The following STRADA variants were observed in gnomAD, a reference collection of about 807,000 sequenced individuals.
STRADA encodes STE20-related kinase adapter protein alpha.
STRADA carries 26 observed loss-of-function variants against 55.0 expected under a neutral mutation model. The ratio of observed to expected loss-of-function variants is 0.47; its 90% CI spans 0.35 to 0.66. The LOEUF is 0.66. Among genes scored for constraint, STRADA ranks in the 30% least tolerant of loss-of-function variants. The pLI is 0.01. For missense variants in STRADA, 443 were observed against 549.7 expected, an observed-to-expected ratio of 0.81 and a Z score of 1.94; for synonymous variants, 197 against 210.9, an observed-to-expected ratio of 0.93 and a Z score of 0.57.
At chr17:63,707,959 G>A (rs1181160526) in intron 8 of STRADA, among the ~76,000 whole-genome samples, 1 of 150,928 alleles carries the variant, frequency 6.6e-6, no homozygotes, top group Non-Finnish European at 1.5e-5. Flanking sequence ...GGATGGTCTC[G>A]ATCTCCCGAC....
At chr17:63,703,983 C>CAGAACG (rs777248160) in intron 12 of STRADA, 22 bp downstream of exon 12, 4 of 1,613,844 alleles carry the variant, frequency 2.5e-6, no homozygotes, top group Non-Finnish European at 3.4e-6. Context: ...GAACCAGAAC[C>CAGAACG]AGAACGAAGG....
At chr17:63,732,014 G>A (rs546007101) in intron 1 of STRADA, among the ~76,000 whole-genome samples, 32 of 152,058 alleles carry the variant, frequency 2.1e-4, no homozygotes, top group African/African-American at 6.8e-4. Flanking sequence ...ACAGGCGCCC[G>A]CCACCACACC....
chr17:63,703,853 C>G (rs2035877646), intron 12 of STRADA, 102 bp from the exon 13 acceptor site: 6 of 1,610,708 alleles, frequency 3.7e-6, no homozygotes. Context: ...GCTGTCGGAG[C>G]CAACTCCATG....
intron 1 of STRADA, among the ~76,000 whole-genome samples, chr17:63,728,889 C>A (rs1248598760): frequency 8.9e-4 from 126 of 141,908 alleles, no homozygotes; most frequent in African/African-American, 1.3e-3. Context: ...GAGACTGTCT[C>A]AAAAAAAAAA....
chr17:63,728,735 TAAA>T (rs36091754), intron 1 of STRADA, among the ~76,000 whole-genome samples: 29,751 of 112,170 alleles, frequency 0.27, 4,291 homozygotes, highest in Middle Eastern at 0.38. Context: ...CCCATCTCTA[TAAA>T]AAAAAAAAAA....
chr17:63,711,806 A>G (rs2036517906), intron 6 of STRADA, among the ~76,000 whole-genome samples: 2 of 152,092 alleles, frequency 1.3e-5, no homozygotes, highest in African/African-American at 4.8e-5. Context: ...ATGGTGGTGC[A>G]TGCCTTTAGT....
At position 63,722,797 on chromosome 17, in the gene STRADA, T is replaced by G. The variant is rs111279904; in HGVS notation, c.123+501A>C. Among the ~76,000 whole-genome samples, 392 of 152,344 alleles carry G rather than the reference T, an allele frequency of 2.6e-3. 2 individuals are homozygous for G. The highest frequency in any genetic ancestry group is 9.2e-3 in the African/African-American group (384 of 41,582). On this transcript the variant is annotated intron_variant, in intron 4 of 12. Coordinates refer to ENST00000336174, the MANE Select transcript of STRADA (RefSeq NM_001003787.4). ...GAAACAGGGTAAGAATCTTGCAGCT[T>G]TCACCAATGAAAAAAGTAAATGTTC... is the stretch of plus-strand genomic sequence containing the variant.
At chr17:63,739,833 T>A (rs1034878858) in intron 1 of STRADA, among the ~76,000 whole-genome samples, 3 of 147,044 alleles carry the variant, frequency 2.0e-5, no homozygotes, top group Non-Finnish European at 4.5e-5. Flanking sequence ...CATAATTATA[T>A]GTATATACAT....
intron 1 of STRADA, among the ~76,000 whole-genome samples, chr17:63,734,691 A>G (rs1407445891): frequency 6.6e-6 from 1 of 152,168 alleles, no homozygotes; most frequent in Non-Finnish European, 1.5e-5. Flanking sequence ...ATTTTTGCCA[A>G]ACTAACTTCA....
chr17:63,738,340 CA>C (rs561180973), intron 1 of STRADA, among the ~76,000 whole-genome samples: 30,035 of 76,086 alleles, frequency 0.39, 2,402 homozygotes, highest in Middle Eastern at 0.49. Flanking sequence ...GACTCCGACT[CA>C]AAAAAAAAAA....
chr17:63,737,468 G>C (rs1332401545), intron 1 of STRADA: 1 of 151,082 alleles, frequency 6.6e-6, no homozygotes, highest in Non-Finnish European at 1.5e-5. Context: ...CTTAATTACA[G>C]TTATAGAACA....
chr17:63,722,430 C>T (rs796305257), intron 4 of STRADA, among the ~76,000 whole-genome samples: 11 of 152,270 alleles, frequency 7.2e-5, no homozygotes, highest in African/African-American at 2.4e-4. Flanking sequence ...TAATTGGCAT[C>T]GTATTCTAGA....
intron 10 of STRADA, 127 bp downstream of exon 10, chr17:63,706,508 T>C (rs2036100506): frequency 2.8e-6 from 2 of 711,876 alleles, no homozygotes; most frequent in African/African-American, 1.8e-5. Flanking sequence ...GGGTGGGACT[T>C]CTTGAAGGAA....
chr17:63,739,696 TA>T (rs981165600), intron 1 of STRADA, among the ~76,000 whole-genome samples: 72 of 148,854 alleles, frequency 4.8e-4, no homozygotes, highest in African/African-American at 1.6e-3. Flanking sequence ...CATAGTGTAT[TA>T]ATATGTATAC....
At chr17:63,726,882 C>A (rs764146668) in intron 2 of STRADA, 187 bp from the exon 3 acceptor site, 2 of 596,158 alleles carry the variant, frequency 3.4e-6, no homozygotes, top group Non-Finnish European at 5.9e-6. Flanking sequence ...TTTCTCCACT[C>A]CTCTTTGCCT....
At chr17:63,719,573 T>G (rs1236964396) in intron 4 of STRADA, among the ~76,000 whole-genome samples, 1 of 151,466 alleles carries the variant, frequency 6.6e-6, no homozygotes, top group African/African-American at 2.4e-5. Flanking sequence ...AACCTCCACC[T>G]CCCAGGTTCA....
intron 6 of STRADA, among the ~76,000 whole-genome samples, chr17:63,712,187 C>T (rs1309413554): frequency 6.6e-6 from 1 of 152,144 alleles, no homozygotes; most frequent in Non-Finnish European, 1.5e-5. Flanking sequence ...GAGTCTAACT[C>T]CCAAGCACTT....
rs1016066202 is a variant in STRADA at position 63,703,944 on chromosome 17, G to A, written c.1143+61C>T. ...CAAAGGGAGGGGAGAGAAAGCTAAA[G>A]GGATTGTGAGTTGTTAGAACCAGAA... On this transcript the variant is annotated intron_variant, in intron 12 of 12. Coordinates refer to ENST00000336174, the MANE Select transcript of STRADA (RefSeq NM_001003787.4). 14 of 1,609,648 alleles carry A rather than the reference G, an allele frequency of 8.7e-6. No individual in the cohort carries two copies. The African/African-American group carries it at 1.5e-4, about 17-fold the overall frequency.
At chr17:63,704,246 A>G in intron 11 of STRADA, 95 bp downstream of exon 11, 1 of 1,564,086 alleles carries the variant, frequency 6.4e-7, no homozygotes, top group Non-Finnish European at 8.6e-7. Flanking sequence ...ATTCCCCTGC[A>G]GAACCTTTGG....
Sources: allele counts gnomAD v4.1 joint callset (sites outside exome capture counted in the v4.1 genomes callset), GRCh38; gene constraint gnomAD v4.1.1; transcripts MANE v1.5; gene names NCBI Gene and HGNC (gene_info 2026-07-23, HGNC 2026-07-21).